TMEM59: variants seen among roughly 807,000 people sequenced by gnomAD.
TMEM59 encodes dendritic cell factor 1.
In TMEM59, 44 loss-of-function variants were observed where a neutral mutation model predicts 42.2. The ratio of observed to expected loss-of-function variants is 1.04; its 90% confidence interval spans 0.82 to 1.34. The LOEUF (loss-of-function observed/expected upper bound fraction) is 1.34. Ranked by LOEUF, TMEM59 falls within the 40% of genes most tolerant of loss-of-function variation. The pLI is 0.00. For synonymous variants in TMEM59, 148 were observed against 145.8 expected (o/e 1.02, Z -0.11); for missense variants, 359 against 382.8 (o/e 0.94, Z 0.52).
chr1:54,041,917 A>C, intron 4 of TMEM59, 112 bp from the exon 5 acceptor site: 1 of 767,170 alleles, frequency 1.3e-6, no homozygotes. Flanking sequence ...AAAGTAGCAG[A>C]AATACTGTAT....
Position 54,045,717 on chromosome 1 carries a change from GGCA to G in TMEM59, c.362_364del (p.Leu121del). The stretch of plus-strand genomic sequence containing the variant: ...TTGTTCTTGTCTCAGTTCAGCGAAT[GGCA>G]GCTGATTCTGGCAACCAAGATGGCA... On this transcript the variant is annotated inframe_deletion, in exon 3 of 8. Transcript: ENST00000234831. 6.2e-7 allele frequency: 1 copy of G among 1,614,106 alleles called. No homozygotes were observed. Among genetic ancestry groups the G allele is most frequent in the Non-Finnish European group, 8.5e-7 (1 of 1,180,000 alleles).
chr1:54,040,199 C>T (rs918009687), intron 6 of TMEM59, among the ~76,000 whole-genome samples: 1 of 152,164 alleles, frequency 6.6e-6, no homozygotes, highest in Admixed American at 6.5e-5. Flanking sequence ...GTTACCTAGG[C>T]TGGAGTGCTG....
At position 54,029,372 on chromosome 1, in the gene TMEM59, T is replaced by TG. The variant is rs1189916928; in HGVS notation, c.*2777dup. 6.6e-6 allele frequency: 1 copy of TG among 152,226 alleles called. No homozygotes were observed. The highest frequency in any genetic ancestry group is 6.5e-5 in the Admixed American group (1 of 15,282). 9.4% of individuals were successfully genotyped at this position (152,226 alleles called of 1,614,324 possible). ...TGCCTGAATTAGCATGTCTCTTAGA[T>TG]GAGGGACCTGAGCCAAGAAAGACCT... On this transcript the variant is annotated 3_prime_UTR_variant, in exon 8 of 8. Coordinates refer to ENST00000234831, the MANE Select transcript of TMEM59 (RefSeq NM_004872.5).
intron 1 of TMEM59, among the ~76,000 whole-genome samples, chr1:54,051,946 A>T (rs1371080898): frequency 2.0e-5 from 3 of 152,170 alleles, no homozygotes; most frequent in Admixed American, 2.0e-4. Context: ...AAGACCTGAA[A>T]ATACTCGCCA....
rs112773217 is a variant in TMEM59, at chr1:54,029,665, T to A, written c.*2485A>T. Reference sequence around the variant, plus strand: ...TGCTGTATATATTTTGGGGATTTTTTTTCAAAAGTAAAATATTTCTTCTCA... The same window carrying A: ...TGCTGTATATATTTTGGGGATTTTTATTCAAAAGTAAAATATTTCTTCTCA... On this transcript the variant is annotated 3_prime_UTR_variant, in exon 8 of 8. Transcript: ENST00000234831. 1.6e-3 allele frequency: 251 copies of A among 152,310 alleles called. 1 individual carries two copies. Among genetic ancestry groups the A allele is most frequent in the African/African-American group, 5.6e-3 (232 of 41,562 alleles). The allele number at this position is 152,310 out of a possible 1,614,324, so 9.4% of individuals were successfully genotyped here.
chr1:54,035,697 C>T (rs370883658), intron 7 of TMEM59, among the ~76,000 whole-genome samples: 4 of 152,198 alleles, frequency 2.6e-5, no homozygotes, highest in African/African-American at 9.6e-5. Context: ...ACTGCAGCCT[C>T]AACCTCCTGG....
chr1:54,041,578 C>T, intron 5 of TMEM59, 146 bp downstream of exon 5: 1 of 592,510 alleles, frequency 1.7e-6, no homozygotes, highest in South Asian at 2.5e-5. Flanking sequence ...GCTCTCCAAA[C>T]TGTAATACAC....
rs1569980765 is a variant in TMEM59, at chr1:54,053,089, A to C, written c.100T>G (p.Ser34Ala). 1 of 1,614,232 alleles carries C rather than the reference A, an allele frequency of 6.2e-7. No homozygotes were observed. Among genetic ancestry groups the C allele is most frequent in the Non-Finnish European group, 8.5e-7 (1 of 1,180,040 alleles). ...AAGACCGAGTCAAATGCTTCAGCCG[A>C]AGCGGTCCCCGAACCTCCGGCCAAG... ...MALAGGSGTA[S>A]AEAFDSVLGD... is the part of the protein sequence containing the mutation. The change falls in exon 1 of 8, where the codon TCG becomes GCG. Residue 34 changes from serine to alanine, a missense_variant. Ser to Ala is a moderately conservative substitution (Grantham distance 99, BLOSUM62 1). Coordinates refer to ENST00000234831, the MANE Select transcript of TMEM59 (RefSeq NM_004872.5).
chr1:54,048,698 C>T (rs1485247798), intron 1 of TMEM59: 5 of 453,050 alleles, frequency 1.1e-5, no homozygotes, highest in South Asian at 6.6e-5. Flanking sequence ...AAGGAAACAG[C>T]ATGTGCATAT....
chr1:54,034,099 A>T (rs1656862503), intron 7 of TMEM59: 1 of 142,816 alleles, frequency 7.0e-6, no homozygotes, highest in Non-Finnish European at 1.5e-5. Context: ...AGCCTGGGCG[A>T]TAGAGCAAGA....
At chr1:54,040,704 T>G (rs1302677906) in intron 6 of TMEM59, 52 bp downstream of exon 6, 2 of 1,383,720 alleles carry the variant, frequency 1.4e-6, no homozygotes, top group Middle Eastern at 2.0e-4. Context: ...TATATCTCTC[T>G]GATACAAGCC....
chr1:54,046,381 A>G (rs1657337242), intron 2 of TMEM59, among the ~76,000 whole-genome samples: 1 of 152,240 alleles, frequency 6.6e-6, no homozygotes, highest in Non-Finnish European at 1.5e-5. Flanking sequence ...AATGTTCTAC[A>G]GCAGATAATT....
rs754596078 is a variant in TMEM59, at chr1:54,029,332, T to C, written c.*2818A>G. 1 of 152,228 alleles carries C rather than the reference T, an allele frequency of 6.6e-6. No homozygotes were observed. Among genetic ancestry groups the C allele is most frequent in the Non-Finnish European group, 1.5e-5 (1 of 68,044 alleles). 9.4% of individuals were successfully genotyped at this position (152,228 alleles called of 1,614,324 possible). On this transcript the variant is annotated 3_prime_UTR_variant, in exon 8 of 8. Coordinates refer to ENST00000234831, the MANE Select transcript of TMEM59 (RefSeq NM_004872.5). ...CCAGATCATTCATTATGGTGATTAG[T>C]ACTGCTTTTGTAATTGCCTGAATTA...
intron 7 of TMEM59, among the ~76,000 whole-genome samples, chr1:54,035,254 C>T (rs147182435): frequency 1.6e-4 from 25 of 152,192 alleles, no homozygotes; most frequent in Admixed American, 1.2e-3. Context: ...TAGGATAAGA[C>T]AGTTGTTCAG....
chr1:54,043,663 T>A, intron 3 of TMEM59, 138 bp from the exon 4 acceptor site: 1 of 472,712 alleles, frequency 2.1e-6, no homozygotes, highest in Non-Finnish European at 3.1e-6. Flanking sequence ...TCAATAGCAT[T>A]AGAGTAAACT....
chr1:54,032,211 T>C lies in TMEM59; in HGVS notation c.911A>G (p.Glu304Gly), dbSNP rs1656785490. ...TAGAGGCCCTGCTTCTTCATGATCT[T>C]CAGTTTTAGATCTAACAACCACAAG... ...SSLVVVRSKT[E>G]DHEEAGPLPT... Residue 304 changes from glutamate (E) to glycine (G), a missense_variant, in exon 8 of 8, where the codon GAA becomes GGA. Physicochemically the swap from Glu to Gly is moderately conservative, Grantham distance 98. Coordinates refer to ENST00000234831, the MANE Select transcript of TMEM59 (RefSeq NM_004872.5). 4 of 1,613,216 alleles carry C rather than the reference T, an allele frequency of 2.5e-6. No individual in the cohort carries two copies. The African/African-American group carries it at 5.3e-5, about 22-fold the overall frequency.
At chr1:54,046,778 T>C (rs909394997) in intron 2 of TMEM59, among the ~76,000 whole-genome samples, 1 of 152,252 alleles carries the variant, frequency 6.6e-6, no homozygotes, top group African/African-American at 2.4e-5. Context: ...GTTAAACATA[T>C]TGCTTTCAGC....
chr1:54,045,616 G>A, intron 3 of TMEM59, 76 bp downstream of exon 3: 1 of 1,351,434 alleles, frequency 7.4e-7, no homozygotes, highest in Non-Finnish European at 1.1e-6. Flanking sequence ...AGGATCAAGT[G>A]GGTGATAAAC....
intron 6 of TMEM59, among the ~76,000 whole-genome samples, chr1:54,038,318 T>C (rs575744310): frequency 1.3e-5 from 2 of 152,344 alleles, no homozygotes; most frequent in African/African-American, 4.8e-5. Flanking sequence ...ACTTGAGATA[T>C]TTCTATCTCA....
Sources: allele counts gnomAD v4.1 joint callset (sites outside exome capture counted in the v4.1 genomes callset), GRCh38; gene constraint gnomAD v4.1.1; transcripts MANE v1.5; gene names NCBI Gene and HGNC (gene_info 2026-07-23, HGNC 2026-07-21).